Variants in CDC25A observed in about 807,000 individuals in gnomAD.
The protein encoded by CDC25A is M-phase inducer phosphatase 1.
A neutral mutation model predicts 64.6 loss-of-function variants in CDC25A; 17 were observed. The ratio of observed to expected loss-of-function variants is 0.26; its 90% CI spans 0.18 to 0.39. The LOEUF (loss-of-function observed/expected upper bound fraction) is 0.39. Ranked by LOEUF, CDC25A falls within the 10% of genes least tolerant of loss-of-function variation. The pLI, the probability that CDC25A is intolerant of heterozygous loss-of-function variation, is 1.00. For missense variants in CDC25A, 473 were observed against 654.8 expected (o/e 0.72, Z 3.03); for synonymous variants, 229 against 238.6 (o/e 0.96, Z 0.37).
chr3:48,163,150 G>A (rs1420230245), intron 13 of CDC25A, among the ~76,000 whole-genome samples: 1 of 151,568 alleles, frequency 6.6e-6, no homozygotes, highest in East Asian at 1.9e-4. Flanking sequence ...GGGTGTGGTG[G>A]TGCACGCCTG....
In CDC25A at chr3:48,184,146, G is replaced by GTCAGGAGTC. The variant is rs3731502; in HGVS notation, c.291-319_291-311dup. ...GAGGCCGAGGAGGGTATATCACGAG[G>GTCAGGAGTC]TCAGGAGTCTCGAACTCCTGGCCTG... On this transcript the variant is annotated intron_variant, in intron 3 of 14. Coordinates refer to ENST00000302506, the MANE Select transcript of CDC25A (RefSeq NM_001789.3). Among the ~76,000 whole-genome samples the GTCAGGAGTC allele has an allele frequency of 3.5e-4, 54 of 152,242 alleles. No homozygotes were observed. In the East Asian group the frequency reaches 9.7e-3, roughly 27 times the overall value.
At chr3:48,171,483 C>T (rs202146346) in intron 9 of CDC25A, among the ~76,000 whole-genome samples, 2 of 150,056 alleles carry the variant, frequency 1.3e-5, no homozygotes, top group African/African-American at 2.5e-5. Flanking sequence ...CGGGTTCAAG[C>T]GATTCTCCTG....
At position 48,183,780 on chromosome 3, in the gene CDC25A, T is replaced by C; in HGVS notation, c.327+20A>G. 6.5e-7 allele frequency: 1 copy of C among 1,530,100 alleles called. No homozygotes were observed. 94.8% of individuals were successfully genotyped at this position (1,530,100 alleles called of 1,614,324 possible). A position where few individuals can be genotyped will look rare whatever the true frequency, so the allele number is the denominator to read the frequency against. ...ACAGATAACAGGTATTAGCTCAAAA[T>C]AAACAAGGAACTAACTTACAGGTAG... On this transcript the variant is annotated intron_variant, in intron 4 of 14. Transcript: ENST00000302506.
Position 48,187,984 on chromosome 3 carries a change from TCCTCTG to T in CDC25A, c.-43_-38del, listed in dbSNP as rs1176704659. On this transcript the variant is annotated 5_prime_UTR_variant, in exon 1 of 15. Transcript: ENST00000302506. The stretch of plus-strand genomic sequence containing the variant: ...GCCTCGCAGAGCTCCCGCTCCCTCT[TCCTCTG>T]CCTCCGCCGCGACCGCCCCGCCCCG... 1 of 1,363,384 alleles carries T rather than the reference TCCTCTG, an allele frequency of 7.3e-7. No homozygotes were observed. Among genetic ancestry groups the T allele is most frequent in the Non-Finnish European group, 9.4e-7 (1 of 1,063,968 alleles). The allele number at this position is 1,363,384 out of a possible 1,614,324, so 84.5% of individuals were successfully genotyped here. A position where few individuals can be genotyped will look rare whatever the true frequency, so the allele number is the denominator to read the frequency against.
intron 9 of CDC25A, among the ~76,000 whole-genome samples, chr3:48,168,360 C>CCACA (rs58104019): frequency 0.17 from 18,443 of 106,376 alleles, 1,916 homozygotes; most frequent in Non-Finnish European, 0.19. Flanking sequence ...AAGACCCTGT[C>CCACA]CACACACACA....
rs1426660423 is a variant in CDC25A at position 48,165,876 on chromosome 3, T to C, written c.1047A>G (p.Thr349=). The stretch of plus-strand genomic sequence containing the variant: ...TTAAATCCTGATGTTTCCCAGCAAC[T>C]GTATGAAAGAGATAACCCTTAAAAA... The part of the protein sequence containing the change: ...GDFSKGYLFH[T]VAGKHQDLKY... Residue 349 remains threonine, a synonymous_variant, in exon 11 of 15, where the codon ACA becomes ACG. Coordinates refer to ENST00000302506, the MANE Select transcript of CDC25A (RefSeq NM_001789.3). 3 of 1,603,328 alleles carry C rather than the reference T, an allele frequency of 1.9e-6. No individual in the cohort carries two copies. Among genetic ancestry groups the C allele is most frequent in the Non-Finnish European group, 2.6e-6 (3 of 1,170,274 alleles).
At position 48,187,766 on chromosome 3, in the gene CDC25A, G is replaced by A; in HGVS notation, c.170+12C>T. 1.3e-6 allele frequency: 2 copies of A among 1,534,902 alleles called. No individual in the cohort carries two copies. The highest frequency in any genetic ancestry group is 1.8e-6 in the Non-Finnish European group (2 of 1,138,706). On this transcript the variant is annotated intron_variant, in intron 1 of 14. Transcript: ENST00000302506. ...CAGGGGCCCGGAGCACCGCCCGCCG[G>A]TCTCTCCTTACCTGCCCAGACCCTG...
chr3:48,184,001 G>A (rs1200536502), intron 3 of CDC25A, among the ~76,000 whole-genome samples, 165 bp from the exon 4 acceptor site: 1 of 152,050 alleles, frequency 6.6e-6, no homozygotes, highest in Admixed American at 6.5e-5. Flanking sequence ...GTTCTCAGGA[G>A]CACCCCCAAC....
intron 5 of CDC25A, among the ~76,000 whole-genome samples, chr3:48,182,181 C>T (rs1360608386): frequency 1.3e-5 from 2 of 152,142 alleles, no homozygotes; most frequent in Non-Finnish European, 2.9e-5. Flanking sequence ...CATGACACTT[C>T]CCAGGTTGAT....
At chr3:48,183,142 C>A in intron 4 of CDC25A, 112 bp from the exon 5 acceptor site, 1 of 678,654 alleles carries the variant, frequency 1.5e-6, no homozygotes, top group Non-Finnish European at 2.7e-6. Flanking sequence ...ACTAGCTCCT[C>A]ACACACTGCA....
chr3:48,177,520 C>T, intron 7 of CDC25A, 78 bp from the exon 8 acceptor site: 1 of 1,077,036 alleles, frequency 9.3e-7, no homozygotes, highest in South Asian at 1.3e-5. Flanking sequence ...GTGTGTTTCT[C>T]CCTGAACAAT....
At chr3:48,167,713 C>G in intron 10 of CDC25A, 133 bp downstream of exon 10, 1 of 618,700 alleles carries the variant, frequency 1.6e-6, no homozygotes. Flanking sequence ...GCTTCCCTAC[C>G]TTTAACATTC....
intron 9 of CDC25A, among the ~76,000 whole-genome samples, chr3:48,170,227 C>T (rs2032217848): frequency 6.6e-6 from 1 of 152,048 alleles, no homozygotes; most frequent in Non-Finnish European, 1.5e-5. Flanking sequence ...AGCTGGGTGC[C>T]GTCCAATTCA....
Position 48,158,735 on chromosome 3 carries a change from G to A in CDC25A, c.*210C>T, listed in dbSNP as rs558137527. ...GTGGCACAGTTCTGATATGGACGGAGGACGTCTAACAGGGACAGAAGAGGC... is the reference window on the plus strand; with the variant it reads ...GTGGCACAGTTCTGATATGGACGGAAGACGTCTAACAGGGACAGAAGAGGC... On this transcript the variant is annotated 3_prime_UTR_variant, in exon 15 of 15. Transcript: ENST00000302506. The A allele has an allele frequency of 1.2e-5, 7 of 578,528 alleles. No homozygotes were observed. In the East Asian group the frequency reaches 1.5e-4, roughly 12 times the overall value. 35.8% of individuals were successfully genotyped at this position (578,528 alleles called of 1,614,324 possible). A position where few individuals can be genotyped will look rare whatever the true frequency, so the allele number is the denominator to read the frequency against.
At chr3:48,171,624 C>A (rs554439872) in intron 9 of CDC25A, among the ~76,000 whole-genome samples, 1 of 152,030 alleles carries the variant, frequency 6.6e-6, no homozygotes, top group East Asian at 2.0e-4. Context: ...CGTGATCCAC[C>A]CGCCTTGTCC....
chr3:48,166,003 G>A (rs957571377), intron 10 of CDC25A, 110 bp from the exon 11 acceptor site: 24 of 768,314 alleles, frequency 3.1e-5, no homozygotes, highest in Non-Finnish European at 4.9e-5. Context: ...AAACATTAAT[G>A]GCCAGGCACG....
intron 1 of CDC25A, among the ~76,000 whole-genome samples, chr3:48,187,190 G>A (rs1024125390): frequency 1.3e-5 from 2 of 152,170 alleles, no homozygotes. Context: ...TCTTCCGCGG[G>A]AAACACCGTG....
At chr3:48,173,142 C>A (rs1397225104) in intron 9 of CDC25A, among the ~76,000 whole-genome samples, 2 of 143,108 alleles carry the variant, frequency 1.4e-5, no homozygotes, top group African/African-American at 5.3e-5. Flanking sequence ...GGCATGAACC[C>A]GGGAGGCAGA....
intron 12 of CDC25A, 32 bp downstream of exon 12, chr3:48,165,604 C>A: frequency 9.6e-6 from 14 of 1,464,910 alleles, no homozygotes; most frequent in Non-Finnish European, 1.3e-5. Flanking sequence ...CTGTTTAGGG[C>A]TCCTTCTACA....
Sources: gnomAD v4.1 joint callset for allele counts (sites outside exome capture counted in the v4.1 genomes callset) on GRCh38, gnomAD v4.1.1 for gene constraint, MANE v1.5 for transcripts, NCBI Gene and HGNC (gene_info 2026-07-23, HGNC 2026-07-21) for gene names.